The following NOC2L variants were observed in gnomAD, a reference collection of about 807,000 sequenced individuals.
NOC2L encodes the protein NOC2 like nucleolar associated transcriptional repressor.
In NOC2L, 101 loss-of-function variants were observed where a neutral mutation model predicts 94.2. The ratio of observed to expected loss-of-function variants is 1.07; its 90% CI spans 0.91 to 1.26. The LOEUF (loss-of-function observed/expected upper bound fraction) is 1.26, where lower values mean the gene tolerates loss of function less well. Among genes scored for constraint, NOC2L ranks in the 50% most tolerant of loss-of-function variants. The probability of loss-of-function intolerance (pLI) is 0.00; values close to 1 mark genes in which losing one functional copy is unlikely to be tolerated. For synonymous variants in NOC2L, 531 were observed against 413.4 expected (o/e 1.28, Z -3.45); for missense variants, 1,076 against 980.1 (o/e 1.10, Z -1.31).
At chr1:946,014 TC>T (rs1481691611) in intron 16 of NOC2L, among the ~76,000 whole-genome samples, 158 bp downstream of exon 16, 1 of 152,102 alleles carries the variant, frequency 6.6e-6, no homozygotes, top group African/African-American at 2.4e-5. Flanking sequence ...TCTGGCCAGT[TC>T]TCCAACACCT....
At position 952,153 on chromosome 1, in the gene NOC2L, A is replaced by G. The variant is rs747272556; in HGVS notation, c.1192-14T>C. On this transcript the variant is annotated splice_polypyrimidine_tract_variant and intron_variant, in intron 10 of 18. Transcript: ENST00000327044. ...CTGGTATGTTTCCTGGTCAGAGAGAACCACGTCAGCTACTGGCCAGGCTGA... is the reference window on the plus strand; with the variant it reads ...CTGGTATGTTTCCTGGTCAGAGAGAGCCACGTCAGCTACTGGCCAGGCTGA... 7 of 1,613,236 alleles carry G rather than the reference A, an allele frequency of 4.3e-6. No individual in the cohort carries two copies. In the Admixed American group the frequency reaches 1.0e-4, roughly 23 times the overall value.
In NOC2L at chr1:951,195, T is replaced by TG. The variant is rs778187422; in HGVS notation, c.1374dup (p.Ile459HisfsTer139). 6.1e-5 allele frequency: 97 copies of TG among 1,596,602 alleles called. No homozygotes were observed. The highest frequency in any genetic ancestry group is 8.2e-5 in the Non-Finnish European group (96 of 1,171,914). ...CCCGAGAGCAGCGTCAGGGCACGGATGCAGTGCATTCGCAGCGGGTAGAAG... is the reference window on the plus strand; with the variant it reads ...CCCGAGAGCAGCGTCAGGGCACGGATGGCAGTGCATTCGCAGCGGGTAGAAG... On this transcript the variant is annotated frameshift_variant, in exon 12 of 19. Transcript: ENST00000327044. LOFTEE classifies it high-confidence loss of function.
chr1:953,343 C>G, intron 8 of NOC2L, 55 bp from the exon 9 acceptor site: 2 of 1,070,512 alleles, frequency 1.9e-6, no homozygotes, highest in Non-Finnish European at 2.9e-6. Context: ...CAGGGATGCC[C>G]CAGGGCCAGC....
chr1:952,377 G>A lies in NOC2L; in HGVS notation c.1191+35C>T, dbSNP rs374477178. On this transcript the variant is annotated intron_variant, in intron 10 of 18. Coordinates refer to ENST00000327044, the MANE Select transcript of NOC2L (RefSeq NM_015658.4). ...GGGCACCTGGGCTGCCCCACCCCAT[G>A]CCCAGCATGAGCCTGGAAGGGCCCC... The A allele has an allele frequency of 2.5e-6, 4 of 1,607,042 alleles. No individual in the cohort carries two copies. The African/African-American group carries it at 4.0e-5, about 16-fold the overall frequency.
chr1:957,011 C>T lies in NOC2L; in HGVS notation c.369G>A (p.Glu123=), dbSNP rs369515916. Residue 123 remains glutamate, a synonymous_variant, in exon 4 of 19, where the codon GAG becomes GAA. Coordinates refer to ENST00000327044, the MANE Select transcript of NOC2L (RefSeq NM_015658.4). The stretch of plus-strand genomic sequence containing the variant: ...CTTCTCCTTCCTCCGCTCCATCCTC[C>T]TCCTCACTGGCTTCCTGCACAGAAA... ...LPDVLEEASE[E]EDGAEEGEDG... The T allele has an allele frequency of 3.7e-6, 6 of 1,613,988 alleles. No homozygotes were observed. The Admixed American group carries it at 1.0e-4, about 27-fold the overall frequency.
intron 6 of NOC2L, 103 bp from the exon 7 acceptor site, chr1:954,185 C>G (rs778576225): frequency 2.9e-6 from 3 of 1,040,324 alleles, no homozygotes; most frequent in Non-Finnish European, 4.2e-6. Flanking sequence ...CTCTACGACT[C>G]TGCAGAGACC....
chr1:954,395 G>T, intron 6 of NOC2L: 1 of 350,230 alleles, frequency 2.9e-6, no homozygotes, highest in Non-Finnish European at 5.2e-6. Context: ...CCTTTTCTAG[G>T]TCCCCTTGAT....
intron 9 of NOC2L, 131 bp from the exon 10 acceptor site, chr1:952,731 C>T (rs964492610): frequency 1.2e-6 from 1 of 858,156 alleles, no homozygotes; most frequent in Non-Finnish European, 1.9e-6. Flanking sequence ...TAGCCCCTTG[C>T]ACAGCCCCCA....
At position 946,160 on chromosome 1, in the gene NOC2L, C is replaced by T. The variant is rs373897700; in HGVS notation, c.1917+13G>A. 3.0e-5 allele frequency: 48 copies of T among 1,590,016 alleles called. No homozygotes were observed. The African/African-American group carries it at 6.0e-4, about 20-fold the overall frequency. On this transcript the variant is annotated intron_variant, in intron 16 of 18. Transcript: ENST00000327044. ...GTCACAACACACCCCCAGGTCCCCT[C>T]GCCGAGCCGCACCCGCTCTTTGCCA...
rs370654337 is a variant in NOC2L at position 946,145 on chromosome 1, A to G, written c.1917+28T>C. 3 of 1,495,466 alleles carry G rather than the reference A, an allele frequency of 2.0e-6. No homozygotes were observed. The African/African-American group carries it at 4.1e-5, about 21-fold the overall frequency. The allele number at this position is 1,495,466 out of a possible 1,614,324, so 92.6% of individuals were successfully genotyped here. A position where few individuals can be genotyped will look rare whatever the true frequency, so the allele number is the denominator to read the frequency against. On this transcript the variant is annotated intron_variant, in intron 16 of 18. Transcript: ENST00000327044. ...TCTGAAACCCAGGAAGTCACAACAC[A>G]CCCCCAGGTCCCCTCGCCGAGCCGC...
Position 946,557 on chromosome 1 carries a change from A to T in NOC2L, c.1660-12T>A. ...AGGAACGACTTCAGCTGCGGAAGGGAGGGGTCAGCCACTGAAGCCCAGGAC... is the reference window on the plus strand; with the variant it reads ...AGGAACGACTTCAGCTGCGGAAGGGTGGGGTCAGCCACTGAAGCCCAGGAC... On this transcript the variant is annotated splice_polypyrimidine_tract_variant and intron_variant, in intron 14 of 18. Transcript: ENST00000327044. 6.2e-7 allele frequency: 1 copy of T among 1,609,822 alleles called. No homozygotes were observed. The highest frequency in any genetic ancestry group is 8.5e-7 in the Non-Finnish European group (1 of 1,177,500).
At chr1:959,163 G>A (rs1642508331) in intron 1 of NOC2L, 52 bp downstream of exon 1, 14 of 1,611,828 alleles carry the variant, frequency 8.7e-6, no homozygotes, top group Non-Finnish European at 8.5e-7. Context: ...AAGCCCCCTT[G>A]GATACAGACA....
At chr1:945,482 C>T in intron 17 of NOC2L, 36 bp downstream of exon 17, 1 of 1,610,698 alleles carries the variant, frequency 6.2e-7, no homozygotes, top group Non-Finnish European at 8.5e-7. Context: ...GCCCTCCAGG[C>T]CCACCCTTCC....
At chr1:948,653 T>G in intron 12 of NOC2L, 50 bp from the exon 13 acceptor site, 1 of 571,040 alleles carries the variant, frequency 1.8e-6, no homozygotes, top group Non-Finnish European at 2.4e-6. Context: ...CTGGTCACCC[T>G]GGCTTCACCC....
chr1:957,500 T>C (rs1370652042), intron 2 of NOC2L: 1 of 560,098 alleles, frequency 1.8e-6, no homozygotes, highest in African/African-American at 1.9e-5. Context: ...GGACTTGCTG[T>C]GCCTGCGCCC....
At chr1:956,325 G>A (rs1372147220) in intron 4 of NOC2L, 110 bp from the exon 5 acceptor site, 3 of 1,308,688 alleles carry the variant, frequency 2.3e-6, no homozygotes, top group Non-Finnish European at 2.1e-6. Context: ...CAGACATAGG[G>A]CAGAGGTTGG....
Position 944,461 on chromosome 1 carries a change from G to A in NOC2L, c.*233C>T, listed in dbSNP as rs1302839665. 1.0e-5 allele frequency: 8 copies of A among 803,680 alleles called. No homozygotes were observed. The highest frequency in any genetic ancestry group is 2.2e-5 in the South Asian group (1 of 46,470). 49.8% of individuals were successfully genotyped at this position (803,680 alleles called of 1,614,324 possible). A position where few individuals can be genotyped will look rare whatever the true frequency, so the allele number is the denominator to read the frequency against. Reference sequence around the variant, plus strand: ...CTGACGTCAGGGTCAGCTCCCCCGCGGAGCTGACTTCAGCAGCCCACAGCT... The same window carrying A: ...CTGACGTCAGGGTCAGCTCCCCCGCAGAGCTGACTTCAGCAGCCCACAGCT... On this transcript the variant is annotated 3_prime_UTR_variant, in exon 19 of 19. Coordinates refer to ENST00000327044, the MANE Select transcript of NOC2L (RefSeq NM_015658.4).
chr1:949,662 A>T (rs1381870374), intron 12 of NOC2L, among the ~76,000 whole-genome samples: 1 of 152,186 alleles, frequency 6.6e-6, no homozygotes, highest in Non-Finnish European at 1.5e-5. Context: ...AGCCAAGGAG[A>T]TTGGACAAGG....
Position 944,588 on chromosome 1 carries a change from G to A in NOC2L, c.*106C>T. Reference sequence around the variant, plus strand: ...TAATAAAGCCTGTCCCGTGTCTACTGCCTCCCCCAACTGCACAGACGCCAG... The same window carrying A: ...TAATAAAGCCTGTCCCGTGTCTACTACCTCCCCCAACTGCACAGACGCCAG... On this transcript the variant is annotated 3_prime_UTR_variant, in exon 19 of 19. Coordinates refer to ENST00000327044, the MANE Select transcript of NOC2L (RefSeq NM_015658.4). The A allele has an allele frequency of 1.5e-6, 1 of 687,552 alleles. No individual in the cohort carries two copies. 42.6% of individuals were successfully genotyped at this position (687,552 alleles called of 1,614,324 possible).
Sources: gnomAD v4.1 joint callset for allele counts (sites outside exome capture counted in the v4.1 genomes callset) on GRCh38, gnomAD v4.1.1 for gene constraint, MANE v1.5 for transcripts, NCBI Gene and HGNC (gene_info 2026-07-23, HGNC 2026-07-21) for gene names.